The following TTC6 variants were observed in gnomAD, a reference collection of about 807,000 sequenced individuals.
TTC6 encodes the protein tetratricopeptide repeat domain 6, also known as tetratricopeptide repeat protein 6.
A neutral mutation model predicts 210.4 loss-of-function variants in TTC6; 172 were observed. The observed-to-expected ratio is 0.82, with a 90% CI of 0.72 to 0.93. The LOEUF (loss-of-function observed/expected upper bound fraction) is 0.93. Ranked by LOEUF, TTC6 falls within the 40% of genes least tolerant of loss-of-function variation. The probability of loss-of-function intolerance (pLI) is 0.00; values close to 1 mark genes in which losing one functional copy is unlikely to be tolerated. For synonymous variants in TTC6, 804 were observed against 819.6 expected (o/e 0.98, Z 0.32); for missense variants, 2,414 against 2,318.1 (o/e 1.04, Z -0.85).
At chr14:37,834,843 C>G (rs1378825964) in intron 29 of TTC6, among the ~76,000 whole-genome samples, 3 of 151,772 alleles carry the variant, frequency 2.0e-5, no homozygotes, top group Admixed American at 6.6e-5. Context: ...AGACTTTTTT[C>G]TGTAGATATA....
intron 14 of TTC6, among the ~76,000 whole-genome samples, chr14:37,776,358 G>A (rs1188010732): frequency 6.6e-6 from 1 of 152,086 alleles, no homozygotes; most frequent in African/African-American, 2.4e-5. Flanking sequence ...CTGTTATAAT[G>A]TTGCCAGGTG....
intron 2 of TTC6, among the ~76,000 whole-genome samples, chr14:37,616,504 A>G (rs2095642867): frequency 6.6e-6 from 1 of 152,146 alleles, no homozygotes; most frequent in Non-Finnish European, 1.5e-5. Context: ...TCCAGACTTT[A>G]TATGTTGCTG....
chr14:37,801,757 G>A (rs2096107181), intron 20 of TTC6, among the ~76,000 whole-genome samples: 1 of 152,170 alleles, frequency 6.6e-6, no homozygotes. Context: ...AAAAAGTAAA[G>A]AAACAACAGA....
At chr14:37,788,351 G>C (rs553860980) in intron 15 of TTC6, among the ~76,000 whole-genome samples, 1 of 152,022 alleles carries the variant, frequency 6.6e-6, no homozygotes, top group Non-Finnish European at 1.5e-5. Flanking sequence ...GTTCACCTGG[G>C]TGCAAAGTTC....
chr14:37,724,599 A>G (rs575590799), intron 6 of TTC6, among the ~76,000 whole-genome samples: 1 of 152,274 alleles, frequency 6.6e-6, no homozygotes, highest in South Asian at 2.1e-4. Flanking sequence ...TGCCTACACT[A>G]TATAGCTGGA....
At chr14:37,720,266 A>T (rs2095859220) in intron 6 of TTC6, among the ~76,000 whole-genome samples, 1 of 152,196 alleles carries the variant, frequency 6.6e-6, no homozygotes. Flanking sequence ...CCCTCTAGAA[A>T]GCAGTTTGGT....
chr14:37,680,187 T>C, exon 2 of TTC6: 1 of 1,533,688 alleles, frequency 6.5e-7, no homozygotes, highest in Non-Finnish European at 8.7e-7. Context: ...CCTCAAAACA[T>C]CACCTATGCA....
chr14:37,608,883 G>A (rs2095629695), intron 2 of TTC6, among the ~76,000 whole-genome samples: 1 of 152,102 alleles, frequency 6.6e-6, no homozygotes, highest in East Asian at 1.9e-4. Flanking sequence ...GGTAGCAAGA[G>A]GACTGGTGGG....
At position 37,770,867 on chromosome 14, in the gene TTC6, G is replaced by T. The variant is rs893099887; in HGVS notation, c.3267-16601G>T. The stretch of plus-strand genomic sequence containing the variant: ...CATTATGATGTTAGCTGGTTATTTC[G>T]CTCATTAGTTGATGCAGTTTCTTCC... On this transcript the variant is annotated intron_variant, in intron 14 of 30. Coordinates refer to ENST00000553443, the Ensembl canonical transcript of TTC6. Among the ~76,000 whole-genome samples the T allele has an allele frequency of 1.0e-3, 152 of 149,722 alleles. 1 individual carries two copies. The highest frequency in any genetic ancestry group is 3.6e-3 in the African/African-American group (146 of 40,676).
At chr14:37,827,528 C>T (rs114121396) in intron 29 of TTC6, among the ~76,000 whole-genome samples, 162 bp downstream of exon 31, 1,944 of 151,962 alleles carry the variant, frequency 0.013, 44 homozygotes, top group African/African-American at 0.044. Context: ...ATAATTTATC[C>T]ATTAAATATT....
exon 1 of TTC6, chr14:37,622,236 G>A (rs1430047036): frequency 6.5e-7 from 1 of 1,535,146 alleles, no homozygotes; most frequent in African/African-American, 1.4e-5. Flanking sequence ...CCATGCCCCC[G>A]GCCCGGCCCG....
At chr14:37,661,055 G>C (rs759308374) in intron 1 of TTC6, among the ~76,000 whole-genome samples, 1 of 151,822 alleles carries the variant, frequency 6.6e-6, no homozygotes, top group Non-Finnish European at 1.5e-5. Flanking sequence ...TTGTAAATTT[G>C]TTTGAGTTCC....
At chr14:37,749,215 A>G (rs1161285131) in exon 11 of TTC6, 1 of 1,530,926 alleles carries the variant, frequency 6.5e-7, no homozygotes, top group East Asian at 2.4e-5. Flanking sequence ...CACCAAAACT[A>G]AAATTAAATG....
intron 1 of TTC6, among the ~76,000 whole-genome samples, chr14:37,641,700 A>T (rs1595050711): frequency 6.6e-6 from 1 of 152,114 alleles, no homozygotes; most frequent in Non-Finnish European, 1.5e-5. Flanking sequence ...TTCTCATTTC[A>T]TACATTTTCT....
At chr14:37,707,547 A>AT in intron 5 of TTC6, among the ~76,000 whole-genome samples, 1 of 152,052 alleles carries the variant, frequency 6.6e-6, no homozygotes, top group Non-Finnish European at 1.5e-5. Context: ...GCATTTACAG[A>AT]TTTTTTTCTA....
At chr14:37,779,413 C>T (rs905076678) in intron 14 of TTC6, among the ~76,000 whole-genome samples, 1 of 151,964 alleles carries the variant, frequency 6.6e-6, no homozygotes, top group Non-Finnish European at 1.5e-5. Context: ...TGCCCCTTGG[C>T]CATTATATAC....
intron 10 of TTC6, among the ~76,000 whole-genome samples, chr14:37,745,896 C>A (rs1188983577): frequency 6.6e-6 from 1 of 152,176 alleles, no homozygotes. Context: ...TATGAACTGG[C>A]TGGGGTCTGA....
At chr14:37,611,291 T>TG (rs1021349915) in intron 2 of TTC6, 1 of 152,208 alleles carries the variant, frequency 6.6e-6, no homozygotes, top group Admixed American at 6.5e-5. Context: ...AAAGGCCTGT[T>TG]GGACACTCGC....
intron 1 of TTC6, among the ~76,000 whole-genome samples, chr14:37,664,037 T>C (rs1167900535): frequency 1.4e-5 from 2 of 146,182 alleles, no homozygotes; most frequent in African/African-American, 4.9e-5. Context: ...TTCTTGCTCA[T>C]GGATAGGAAG....
Sources: gnomAD v4.1 joint callset for allele counts (sites outside exome capture counted in the v4.1 genomes callset) on GRCh38, gnomAD v4.1.1 for gene constraint, MANE v1.5 for transcripts, NCBI Gene and HGNC (gene_info 2026-07-23, HGNC 2026-07-21) for gene names.